The following GALNT17 variants were observed in gnomAD, a reference collection of about 807,000 sequenced individuals.
The protein encoded by GALNT17 is polypeptide N-acetylgalactosaminyltransferase 17.
In GALNT17, 29 loss-of-function variants were observed where a neutral mutation model predicts 63.7. The ratio of observed to expected loss-of-function variants is 0.46; its 90% CI spans 0.34 to 0.62. GALNT17 has a LOEUF of 0.62. GALNT17 is among the 20% of genes least tolerant of loss of function. The probability of loss-of-function intolerance (pLI) is 0.01; values close to 1 mark genes in which losing one functional copy is unlikely to be tolerated. For missense variants in GALNT17, 603 were observed against 799.6 expected (o/e 0.75, Z 2.97); for synonymous variants, 305 against 318.3 (o/e 0.96, Z 0.45).
chr7:71,177,354 A>G (rs942221938), intron 1 of GALNT17, among the ~76,000 whole-genome samples: 2 of 151,952 alleles, frequency 1.3e-5, no homozygotes, highest in Non-Finnish European at 2.9e-5. Flanking sequence ...ATCCCACTCT[A>G]TCCCTCACTC....
Position 71,201,206 on chromosome 7 carries a change from AT to A in GALNT17, c.238+68172del, listed in dbSNP as rs1406063397. 4.1e-5 allele frequency among the ~76,000 whole-genome samples: 5 copies of A among 122,768 alleles called. No homozygotes were observed. The East Asian group carries it at 1.4e-3, about 35-fold the overall frequency. 80.5% of individuals were successfully genotyped at this position (122,768 alleles called of 152,430 possible). A position where few individuals can be genotyped will look rare whatever the true frequency, so the allele number is the denominator to read the frequency against. On this transcript the variant is annotated intron_variant, in intron 1 of 10. Transcript: ENST00000333538. ...TGTATGTGCAGGAAACTGGTACCAT[AT>A]TTTTTCTTTGTATGGGGGTGTGTGT...
intron 5 of GALNT17, among the ~76,000 whole-genome samples, chr7:71,433,027 T>TCTTGAA (rs1563088958): frequency 6.6e-6 from 1 of 152,148 alleles, no homozygotes; most frequent in East Asian, 1.9e-4. Context: ...GCCAGGCTGG[T>TCTTGAA]CTCCACACCT....
chr7:71,632,763 G>T (rs745524168), intron 6 of GALNT17, among the ~76,000 whole-genome samples: 1 of 152,158 alleles, frequency 6.6e-6, no homozygotes, highest in Non-Finnish European at 1.5e-5. Flanking sequence ...TTTGCTCACC[G>T]TGGATTTTCT....
At chr7:71,162,077 CTTCT>C (rs1183689915) in intron 1 of GALNT17, among the ~76,000 whole-genome samples, 4 of 95,132 alleles carry the variant, frequency 4.2e-5, no homozygotes, top group Non-Finnish European at 6.4e-5. Context: ...TCCTTCCTTC[CTTCT>C]TTCCTTCCTC....
intron 2 of GALNT17, among the ~76,000 whole-genome samples, chr7:71,361,617 A>G (rs1249511165): frequency 6.6e-6 from 1 of 152,110 alleles, no homozygotes; most frequent in Non-Finnish European, 1.5e-5. Context: ...GGAGAAGCAT[A>G]TGTGTCTGGC....
At chr7:71,311,697 TC>T (rs1389102783) in intron 1 of GALNT17, among the ~76,000 whole-genome samples, 10 of 152,150 alleles carry the variant, frequency 6.6e-5, no homozygotes, top group African/African-American at 2.4e-4. Context: ...GATTTGTTAT[TC>T]TTGAGATAGG....
At chr7:71,461,678 G>C (rs1157185213) in intron 5 of GALNT17, among the ~76,000 whole-genome samples, 2 of 152,200 alleles carry the variant, frequency 1.3e-5, no homozygotes, top group East Asian at 1.9e-4. Context: ...CATATCCGCA[G>C]GGGAGGAATG....
chr7:71,480,752 CCA>C, intron 5 of GALNT17, among the ~76,000 whole-genome samples: 1 of 152,280 alleles, frequency 6.6e-6, no homozygotes, highest in Non-Finnish European at 1.5e-5. Context: ...AGTGATCCAC[CCA>C]CCTGGGCCTC....
At chr7:71,484,962 CT>C (rs779772231) in intron 5 of GALNT17, among the ~76,000 whole-genome samples, 16,853 of 47,386 alleles carry the variant, frequency 0.36, 2,506 homozygotes, top group Middle Eastern at 0.42. Context: ...CCACACCTGG[CT>C]TTTTTTTTTT....
intron 9 of GALNT17, among the ~76,000 whole-genome samples, chr7:71,698,740 G>A (rs986481951): frequency 6.6e-6 from 1 of 152,070 alleles, no homozygotes; most frequent in Admixed American, 6.6e-5. Context: ...CACAAAGAGA[G>A]ATGGTAGAAA....
At chr7:71,394,486 C>G (rs1225165222) in intron 3 of GALNT17, among the ~76,000 whole-genome samples, 2 of 152,154 alleles carry the variant, frequency 1.3e-5, no homozygotes, top group African/African-American at 2.4e-5. Context: ...ACTGGGCAGT[C>G]TGCTCCACTT....
At chr7:71,629,150 C>T (rs10247797) in intron 6 of GALNT17, among the ~76,000 whole-genome samples, 11,500 of 151,832 alleles carry the variant, frequency 0.076, 544 homozygotes, top group African/African-American at 0.14. Context: ...AGCAGAGGCA[C>T]CAAGCAGGAA....
At chr7:71,651,457 C>A (rs1226715362) in intron 6 of GALNT17, among the ~76,000 whole-genome samples, 1 of 152,046 alleles carries the variant, frequency 6.6e-6, no homozygotes, top group Non-Finnish European at 1.5e-5. Flanking sequence ...TGTGTGCCAC[C>A]ACACCCAGCT....
At chr7:71,362,652 T>TC (rs1308622952) in intron 2 of GALNT17, among the ~76,000 whole-genome samples, 1 of 152,194 alleles carries the variant, frequency 6.6e-6, no homozygotes, top group East Asian at 1.9e-4. Context: ...TTGCTTTTTT[T>TC]CATGGCCAAG....
intron 5 of GALNT17, among the ~76,000 whole-genome samples, chr7:71,423,769 A>G (rs1786708373): frequency 6.6e-6 from 1 of 152,028 alleles, no homozygotes; most frequent in African/African-American, 2.4e-5. Context: ...AATTAAAAAA[A>G]AAAATTAGCC....
rs1206248045 is a variant in GALNT17, at chr7:71,476,760, CAACA to C, written c.962+55658_962+55661del. On this transcript the variant is annotated intron_variant, in intron 5 of 10. Transcript: ENST00000333538. ...TAACAATGCACAGGGCAGTTTCTTA[CAACA>C]AAGAATTATCTGGCCCCAGGTGTCA... Among the ~76,000 whole-genome samples the C allele has an allele frequency of 4.6e-5, 7 of 152,256 alleles. No homozygotes were observed. In the East Asian group the frequency reaches 1.4e-3, roughly 29 times the overall value.
Position 71,486,861 on chromosome 7 carries a change from C to CA in GALNT17, c.962+65768dup, listed in dbSNP as rs1178098140. On this transcript the variant is annotated intron_variant, in intron 5 of 10. Transcript: ENST00000333538. ...CTGGGCAACAGGGTAAGACCCTGTC[C>CA]AAAAAAAAAAAACAAAAAAAAACGC... Among the ~76,000 whole-genome samples, 1,036 of 119,958 alleles carry CA rather than the reference C, an allele frequency of 8.6e-3. 3 individuals are homozygous for CA. Among genetic ancestry groups the CA allele is most frequent in the African/African-American group, 0.019 (614 of 32,154 alleles). The allele number at this position is 119,958 out of a possible 152,430, so 78.7% of individuals were successfully genotyped here. A position where few individuals can be genotyped will look rare whatever the true frequency, so the allele number is the denominator to read the frequency against.
chr7:71,444,893 A>G (rs989502493), intron 5 of GALNT17, among the ~76,000 whole-genome samples: 14 of 152,224 alleles, frequency 9.2e-5, no homozygotes, highest in Non-Finnish European at 5.9e-5. Context: ...CTGAGGATTA[A>G]CAAATGACTC....
At chr7:71,688,927 G>A (rs1791401699) in intron 9 of GALNT17, among the ~76,000 whole-genome samples, 1 of 152,136 alleles carries the variant, frequency 6.6e-6, no homozygotes, top group Non-Finnish European at 1.5e-5. Flanking sequence ...AAGTCTATGG[G>A]TGCCGTTTTT....
Sources: allele counts gnomAD v4.1 joint callset (sites outside exome capture counted in the v4.1 genomes callset), GRCh38; gene constraint gnomAD v4.1.1; transcripts MANE v1.5; gene names NCBI Gene and HGNC (gene_info 2026-07-23, HGNC 2026-07-21).